IP6K2: variants seen among roughly 807,000 people sequenced by gnomAD.
IP6K2 encodes ATP:1D-myo-inositol-hexakisphosphate phosphotransferase.
Under a neutral mutation model 43.3 loss-of-function variants are expected in IP6K2, and 9 were observed. The observed-to-expected ratio is 0.21, with a 90% CI of 0.13 to 0.36. The LOEUF (loss-of-function observed/expected upper bound fraction) is 0.36. Ranked by LOEUF, IP6K2 falls within the 10% of genes least tolerant of loss-of-function variation. IP6K2 has a pLI of 1.00. For missense variants in IP6K2, 332 were observed against 538.4 expected, an observed-to-expected ratio of 0.62 and a Z score of 3.79; for synonymous variants, 209 against 202.4, an observed-to-expected ratio of 1.03 and a Z score of -0.28.
chr3:48,693,987 TTACAA>T, intron 2 of IP6K2: 2 of 1,374,836 alleles, frequency 1.5e-6, no homozygotes, highest in South Asian at 1.8e-5. Context: ...GACGAGCGCC[TTACAA>T]ACGACTGGCT....
chr3:48,707,581 T>G (rs1313801037), intron 1 of IP6K2, among the ~76,000 whole-genome samples: 3 of 152,124 alleles, frequency 2.0e-5, no homozygotes, highest in African/African-American at 7.2e-5. Context: ...ATTACAGGCA[T>G]GCGCCACCAC....
rs114768591 is a variant in IP6K2 at position 48,711,899 on chromosome 3, T to G, written c.-131+5258A>C. 4.7e-3 allele frequency among the ~76,000 whole-genome samples: 717 copies of G among 152,074 alleles called. 8 individuals carry two copies. Among genetic ancestry groups the G allele is most frequent in the African/African-American group, 0.016 (661 of 41,478 alleles). ...TCAGCACCAGAGCCAAGCATATAAC[T>G]CCACAGGGCACCCCATAAAAGCACG... On this transcript the variant is annotated intron_variant, in intron 1 of 5. Transcript: ENST00000328631.
chr3:48,705,186 G>A (rs920561923), intron 1 of IP6K2, among the ~76,000 whole-genome samples: 1 of 149,918 alleles, frequency 6.7e-6, no homozygotes, highest in South Asian at 2.1e-4. Context: ...CTCGTGATCC[G>A]CTGCCTCAGC....
intron 2 of IP6K2, 145 bp downstream of exon 2, chr3:48,694,945 C>T: frequency 6.4e-7 from 1 of 1,568,246 alleles, no homozygotes; most frequent in Non-Finnish European, 8.6e-7. Flanking sequence ...GGCTGAGGGC[C>T]AGGAGGAGGA....
At position 48,701,097 on chromosome 3, in the gene IP6K2, C is replaced by T. The variant is rs1458396878; in HGVS notation, c.-130-5676G>A. On this transcript the variant is annotated intron_variant, in intron 1 of 5. Coordinates refer to ENST00000328631, the MANE Select transcript of IP6K2 (RefSeq NM_016291.4). ...AGTGGAATGACAACGTGGCTGGGCG[C>T]GGTGGCTCACGCCTGTAGTCCTGGC... Among the ~76,000 whole-genome samples the T allele has an allele frequency of 2.0e-5, 3 of 152,020 alleles. No individual in the cohort carries two copies. The East Asian group carries it at 5.8e-4, about 29-fold the overall frequency.
chr3:48,714,774 G>T (rs1337096846), intron 1 of IP6K2, among the ~76,000 whole-genome samples: 6 of 144,740 alleles, frequency 4.1e-5, no homozygotes, highest in Non-Finnish European at 7.4e-5. Flanking sequence ...CGTGAACCCG[G>T]AAGGCGGAGC....
Position 48,695,269 on chromosome 3 carries a change from A to G in IP6K2, c.23T>C (p.Met8Thr). The part of the protein sequence containing the change: MSPAFRA[M>T]DVEPRAKGVL... Reference sequence around the variant, plus strand: ...GCCTTTGGCGCGGGGCTCCACATCCATGGCCCTGAAGGCTGGGCTCATCCT... The same window carrying G: ...GCCTTTGGCGCGGGGCTCCACATCCGTGGCCCTGAAGGCTGGGCTCATCCT... Residue 8 changes from methionine to threonine, a missense_variant, in exon 2 of 6, where the codon ATG becomes ACG. Physicochemically the swap from Met to Thr is moderately conservative, Grantham distance 81 (BLOSUM62 -1). Transcript: ENST00000328631. The surrounding 1 kb of genome is among the most constrained non-coding windows in gnomAD (Gnocchi z 4.6). 6.3e-7 allele frequency: 1 copy of G among 1,594,752 alleles called. No homozygotes were observed. Among genetic ancestry groups the G allele is most frequent in the East Asian group, 2.2e-5 (1 of 44,488 alleles).
At chr3:48,703,692 G>T (rs1280681772) in intron 1 of IP6K2, among the ~76,000 whole-genome samples, 1 of 152,044 alleles carries the variant, frequency 6.6e-6, no homozygotes, top group Non-Finnish European at 1.5e-5. Context: ...ACTCCAGCCT[G>T]GGACACAGAG....
intron 1 of IP6K2, among the ~76,000 whole-genome samples, chr3:48,711,134 C>T (rs1378837378): frequency 2.6e-5 from 4 of 152,130 alleles, no homozygotes; most frequent in African/African-American, 4.8e-5. Context: ...TGGTGTCGAA[C>T]TCCTGGGATT....
chr3:48,688,873 C>T lies in IP6K2; in HGVS notation c.781-100G>A, dbSNP rs578132156. The T allele has an allele frequency of 6.7e-4, 857 of 1,280,868 alleles. No individual in the cohort carries two copies. Among genetic ancestry groups the T allele is most frequent in the Non-Finnish European group, 8.2e-4 (766 of 929,490 alleles). 79.3% of individuals were successfully genotyped at this position (1,280,868 alleles called of 1,614,324 possible). ...TGTGGTGGTGGCGGCATGTGACAGC[C>T]CAGATCAGATAAAGTACACCAGTTG... On this transcript the variant is annotated intron_variant, in intron 5 of 5. Transcript: ENST00000328631. The surrounding 1 kb of genome is among the most constrained non-coding windows in gnomAD (Gnocchi z 5.1).
chr3:48,712,268 A>C (rs578221112), intron 1 of IP6K2, among the ~76,000 whole-genome samples: 2 of 146,714 alleles, frequency 1.4e-5, no homozygotes, highest in African/African-American at 5.1e-5. Context: ...TTTGAGACAG[A>C]GTCTTGCTCT....
chr3:48,713,694 G>A (rs993690573), intron 1 of IP6K2, among the ~76,000 whole-genome samples: 2 of 151,962 alleles, frequency 1.3e-5, no homozygotes, highest in East Asian at 1.9e-4. Flanking sequence ...GTGGTGCCAC[G>A]CGCCTGTAAT....
intron 4 of IP6K2, among the ~76,000 whole-genome samples, chr3:48,691,097 ACTC>A (rs1461798451): frequency 1.3e-5 from 2 of 150,978 alleles, no homozygotes; most frequent in African/African-American, 2.4e-5. Flanking sequence ...ATTATACCCC[ACTC>A]CTCATCATCT....
chr3:48,712,643 G>C (rs1171325419), intron 1 of IP6K2, among the ~76,000 whole-genome samples: 1 of 152,126 alleles, frequency 6.6e-6, no homozygotes, highest in Non-Finnish European at 1.5e-5. Context: ...ATGGCCCCAA[G>C]AGGTTGAGGC....
At chr3:48,690,687 G>A (rs903424635) in intron 4 of IP6K2, among the ~76,000 whole-genome samples, 21 of 151,924 alleles carry the variant, frequency 1.4e-4, no homozygotes, top group South Asian at 4.2e-4. Context: ...TACTTGGGTG[G>A]CTGAGGCATG....
At chr3:48,689,792 AT>A in intron 4 of IP6K2, 79 bp from the exon 5 acceptor site, 1 of 1,274,862 alleles carries the variant, frequency 7.8e-7, no homozygotes, top group Non-Finnish European at 1.1e-6. Flanking sequence ...CAGTGCCTTG[AT>A]GCAGTGACCC....
At chr3:48,694,401 G>T (rs374072579) in intron 2 of IP6K2, 7 of 1,545,976 alleles carry the variant, frequency 4.5e-6, no homozygotes, top group African/African-American at 2.8e-5. Context: ...TTGTTCTAGA[G>T]TCCTTTATGT....
At chr3:48,701,087 T>C (rs981194139) in intron 1 of IP6K2, among the ~76,000 whole-genome samples, 10 of 152,168 alleles carry the variant, frequency 6.6e-5, no homozygotes, top group Admixed American at 6.5e-5. Flanking sequence ...AATGACAACG[T>C]GGCTGGGCGC....
At chr3:48,702,233 A>T (rs1449289653) in intron 1 of IP6K2, among the ~76,000 whole-genome samples, 1 of 152,194 alleles carries the variant, frequency 6.6e-6, no homozygotes, top group Non-Finnish European at 1.5e-5. Flanking sequence ...TCCATGTCAA[A>T]AAAAAATAAA....
Sources: gnomAD v4.1 joint callset for allele counts (sites outside exome capture counted in the v4.1 genomes callset) on GRCh38, gnomAD v4.1.1 for gene constraint, Gnocchi (gnomAD v3.1) non-coding constraint, MANE v1.5 for transcripts, NCBI Gene and HGNC (gene_info 2026-07-23, HGNC 2026-07-21) for gene names.